The following IGSF11 variants were observed in gnomAD, a reference collection of about 807,000 sequenced individuals.
The protein encoded by IGSF11 is CXADR like 1.
In IGSF11, 22 loss-of-function variants were observed where a neutral mutation model predicts 41.0. That is an observed-to-expected ratio of 0.54 (90% CI 0.38 to 0.77). IGSF11 has a LOEUF of 0.77. IGSF11 is among the 30% of genes least tolerant of loss of function. The pLI is 0.00. For synonymous variants in IGSF11, 219 were observed against 201.3 expected (o/e 1.09, Z -0.74); for missense variants, 444 against 530.8 (o/e 0.84, Z 1.61).
At chr3:119,009,194 A>G (rs1323172391) in intron 1 of IGSF11, among the ~76,000 whole-genome samples, 2 of 152,024 alleles carry the variant, frequency 1.3e-5, no homozygotes, top group Non-Finnish European at 2.9e-5. Context: ...GCCAACTAAT[A>G]ATCTTAGAGT....
chr3:119,018,376 C>T (rs1402109410), intron 1 of IGSF11, among the ~76,000 whole-genome samples: 1 of 152,186 alleles, frequency 6.6e-6, no homozygotes, highest in Non-Finnish European at 1.5e-5. Flanking sequence ...ATAAGATTTG[C>T]TCATAACTCC....
chr3:118,945,009 T>C (rs568663800), intron 1 of IGSF11: 11 of 152,286 alleles, frequency 7.2e-5, no homozygotes, highest in Admixed American at 5.2e-4. Context: ...ACTGACTAAT[T>C]GTGTAGCCTG....
intron 1 of IGSF11, among the ~76,000 whole-genome samples, chr3:118,934,947 A>G (rs1049506210): frequency 6.6e-6 from 1 of 151,836 alleles, no homozygotes; most frequent in South Asian, 2.1e-4. Flanking sequence ...TTAGTAACCT[A>G]CTCATAAACC....
intron 1 of IGSF11, among the ~76,000 whole-genome samples, chr3:119,047,713 C>T (rs904344310): frequency 4.7e-4 from 72 of 152,140 alleles, no homozygotes; most frequent in South Asian, 8.3e-4. Flanking sequence ...AGCACCACAC[C>T]ACACCTATTC....
intron 1 of IGSF11, among the ~76,000 whole-genome samples, chr3:119,012,348 C>G (rs1938229698): frequency 6.6e-6 from 1 of 152,012 alleles, no homozygotes; most frequent in Non-Finnish European, 1.5e-5. Flanking sequence ...CGTGAGCTTC[C>G]CAAATAAGTT....
At chr3:118,922,937 A>G (rs925834034) in intron 4 of IGSF11, among the ~76,000 whole-genome samples, 4 of 152,086 alleles carry the variant, frequency 2.6e-5, no homozygotes, top group Non-Finnish European at 4.4e-5. Context: ...TGGGAATGCA[A>G]CATCCTGAGT....
chr3:119,029,430 G>T (rs755118913), intron 1 of IGSF11, among the ~76,000 whole-genome samples: 3 of 152,122 alleles, frequency 2.0e-5, no homozygotes, highest in Non-Finnish European at 4.4e-5. Context: ...AGCTTCTATG[G>T]TGATTTCTGT....
At chr3:119,018,044 C>A (rs151241079) in intron 1 of IGSF11, among the ~76,000 whole-genome samples, 7 of 152,096 alleles carry the variant, frequency 4.6e-5, no homozygotes, top group African/African-American at 1.7e-4. Context: ...ACCCAAGAGT[C>A]GAGCACAATT....
chr3:119,039,973 T>C lies in IGSF11; in HGVS notation c.49+65171A>G, dbSNP rs576077130. 2.0e-5 allele frequency among the ~76,000 whole-genome samples: 3 copies of C among 152,338 alleles called. No homozygotes were observed. In the East Asian group the frequency reaches 5.8e-4, roughly 29 times the overall value. On this transcript the variant is annotated intron_variant, in intron 1 of 6. Coordinates refer to the IGSF11 transcript ENST00000354673. Reference sequence around the variant, plus strand: ...CTAACTTTGGGAGAAACTTAGTTTATAGTTTAAACAAAGACGATAACAGCC... The same window carrying C: ...CTAACTTTGGGAGAAACTTAGTTTACAGTTTAAACAAAGACGATAACAGCC...
At chr3:119,111,086 G>A (rs1012233818) in intron 1 of IGSF11, among the ~76,000 whole-genome samples, 3 of 151,886 alleles carry the variant, frequency 2.0e-5, no homozygotes, top group South Asian at 2.1e-4. Flanking sequence ...TGCTCTTCTC[G>A]AGGAGTATCT....
intron 1 of IGSF11, among the ~76,000 whole-genome samples, chr3:118,988,489 G>T (rs1188240671): frequency 6.6e-6 from 1 of 152,098 alleles, no homozygotes; most frequent in Non-Finnish European, 1.5e-5. Flanking sequence ...CAAAATCACA[G>T]GAAATTGGGC....
intron 1 of IGSF11, among the ~76,000 whole-genome samples, chr3:119,125,351 T>C (rs977605405): frequency 6.6e-6 from 1 of 152,272 alleles, no homozygotes. Flanking sequence ...TGGGTGCAAG[T>C]GGGCTGAGTC....
At chr3:119,046,350 G>C (rs1207916162) in intron 1 of IGSF11, among the ~76,000 whole-genome samples, 2 of 152,118 alleles carry the variant, frequency 1.3e-5, no homozygotes, top group Non-Finnish European at 2.9e-5. Context: ...GAAGAATGCA[G>C]AAGCCTCAGG....
At chr3:119,006,523 G>C (rs1355303394) in intron 1 of IGSF11, among the ~76,000 whole-genome samples, 5 of 130,390 alleles carry the variant, frequency 3.8e-5, no homozygotes, top group African/African-American at 1.6e-4. Context: ...GCGCTCCTTT[G>C]GAGGAGGAGA....
At chr3:118,986,940 C>T (rs1935313196) in intron 1 of IGSF11, among the ~76,000 whole-genome samples, 1 of 152,202 alleles carries the variant, frequency 6.6e-6, no homozygotes, top group Admixed American at 6.5e-5. Context: ...AAGACCATGG[C>T]TGTTGCTTAG....
intron 1 of IGSF11, among the ~76,000 whole-genome samples, chr3:118,971,304 A>G (rs540072794): frequency 6.6e-6 from 1 of 152,354 alleles, no homozygotes; most frequent in South Asian, 2.1e-4. Flanking sequence ...CAGAAAATAA[A>G]TACCAAAGGG....
At chr3:119,031,552 G>T (rs943201890) in intron 1 of IGSF11, among the ~76,000 whole-genome samples, 4 of 152,210 alleles carry the variant, frequency 2.6e-5, no homozygotes, top group African/African-American at 9.6e-5. Flanking sequence ...GGGAGGGGAA[G>T]CCAAAACAAG....
At chr3:119,007,777 C>A (rs1023630310) in intron 1 of IGSF11, among the ~76,000 whole-genome samples, 1 of 152,096 alleles carries the variant, frequency 6.6e-6, no homozygotes. Flanking sequence ...TGCTTTATGC[C>A]TTCAAAAAAG....
At chr3:119,048,433 C>G (rs1033939991) in intron 1 of IGSF11, among the ~76,000 whole-genome samples, 1 of 152,146 alleles carries the variant, frequency 6.6e-6, no homozygotes, top group Admixed American at 6.5e-5. Flanking sequence ...TACACTCTCC[C>G]AAGACTAAAC....
Sources: gnomAD v4.1 joint callset for allele counts (sites outside exome capture counted in the v4.1 genomes callset) on GRCh38, gnomAD v4.1.1 for gene constraint, MANE v1.5 for transcripts, NCBI Gene and HGNC (gene_info 2026-07-23, HGNC 2026-07-21) for gene names.